The following RGS7 variants were observed in gnomAD, a reference collection of about 807,000 sequenced individuals.
RGS7 encodes the protein regulator of G-protein signaling 7.
A neutral mutation model predicts 81.1 loss-of-function variants in RGS7; 27 were observed. The observed-to-expected ratio is 0.33, with a 90% CI of 0.25 to 0.46. The LOEUF (loss-of-function observed/expected upper bound fraction) is 0.46. Among genes scored for constraint, RGS7 ranks in the 20% least tolerant of loss-of-function variants. The pLI, the probability that RGS7 is intolerant of heterozygous loss-of-function variation, is 1.00. For missense variants in RGS7, 396 were observed against 607.4 expected, an observed-to-expected ratio of 0.65 and a Z score of 3.66; for synonymous variants, 208 against 207.7, an observed-to-expected ratio of 1.00 and a Z score of -0.01.
chr1:241,171,852 C>T (rs1003394206), intron 2 of RGS7, among the ~76,000 whole-genome samples: 33 of 152,054 alleles, frequency 2.2e-4, no homozygotes, highest in African/African-American at 8.0e-4. Flanking sequence ...AAAAACAAAA[C>T]AAAACAAAAA....
chr1:240,925,883 T>A (rs1337593541), intron 6 of RGS7, among the ~76,000 whole-genome samples: 2 of 152,230 alleles, frequency 1.3e-5, no homozygotes, highest in African/African-American at 4.8e-5. Flanking sequence ...ATCTGTAATG[T>A]TGAGCATTTT....
Position 241,008,810 on chromosome 1 carries a change from G to T in RGS7, c.176-25681C>A, listed in dbSNP as rs921066610. Among the ~76,000 whole-genome samples, 5 of 149,228 alleles carry T rather than the reference G, an allele frequency of 3.4e-5. No homozygotes were observed. The South Asian group carries it at 1.1e-3, about 32-fold the overall frequency. On this transcript the variant is annotated intron_variant, in intron 3 of 18. Coordinates refer to ENST00000440928, the MANE Select transcript of RGS7 (RefSeq NM_001364886.1). ...GTTTGTAATCCCACCTACTTAGTAC[G>T]TTGAGGCAGGAGAATTGCTTGAACC...
At chr1:240,961,626 C>G (rs900581781) in intron 4 of RGS7, among the ~76,000 whole-genome samples, 2 of 152,060 alleles carry the variant, frequency 1.3e-5, no homozygotes, top group Non-Finnish European at 2.9e-5. Context: ...TCTAACAACC[C>G]CTGTGAGGTC....
chr1:241,124,958 C>G (rs2066546343), intron 2 of RGS7, among the ~76,000 whole-genome samples: 1 of 152,228 alleles, frequency 6.6e-6, no homozygotes, highest in African/African-American at 2.4e-5. Flanking sequence ...CCCTTGGAGA[C>G]TAAAGCATTT....
At chr1:241,039,129 TC>T (rs892918795) in intron 3 of RGS7, among the ~76,000 whole-genome samples, 2 of 152,040 alleles carry the variant, frequency 1.3e-5, no homozygotes, top group Non-Finnish European at 2.9e-5. Flanking sequence ...TCAACAGATT[TC>T]CCCCATTTCT....
intron 3 of RGS7, among the ~76,000 whole-genome samples, chr1:240,995,821 T>A (rs1687199664): frequency 6.6e-6 from 1 of 152,036 alleles, no homozygotes; most frequent in Admixed American, 6.5e-5. Flanking sequence ...TCCATTGATT[T>A]ATGCTCTTTA....
At chr1:240,968,567 T>G (rs1682710970) in intron 4 of RGS7, among the ~76,000 whole-genome samples, 2 of 152,198 alleles carry the variant, frequency 1.3e-5, no homozygotes, top group African/African-American at 2.4e-5. Context: ...AAAAGCATTT[T>G]AGTCTCATTA....
chr1:241,087,416 A>G (rs767041436), intron 3 of RGS7, among the ~76,000 whole-genome samples: 8 of 152,222 alleles, frequency 5.3e-5, no homozygotes, highest in Non-Finnish European at 1.0e-4. Context: ...GACCATATGA[A>G]TGCAAATATT....
At chr1:240,843,162 T>C (rs899164305) in intron 9 of RGS7, among the ~76,000 whole-genome samples, 4 of 146,580 alleles carry the variant, frequency 2.7e-5, no homozygotes, top group Non-Finnish European at 6.0e-5. Flanking sequence ...CGAAACTCTA[T>C]CTCAAAAAAA....
At chr1:240,804,661 G>C (rs1438149476) in intron 15 of RGS7, among the ~76,000 whole-genome samples, 1 of 152,120 alleles carries the variant, frequency 6.6e-6, no homozygotes, top group East Asian at 1.9e-4. Context: ...CACATTGTTG[G>C]CTCTAGAAAG....
At chr1:240,845,340 A>T (rs1162186013) in intron 9 of RGS7, among the ~76,000 whole-genome samples, 1 of 152,228 alleles carries the variant, frequency 6.6e-6, no homozygotes, top group Non-Finnish European at 1.5e-5. Flanking sequence ...GTTCAAGTAG[A>T]CATGCAAGGT....
chr1:241,351,165 T>C (rs1474865387), intron 2 of RGS7, among the ~76,000 whole-genome samples: 6 of 152,088 alleles, frequency 3.9e-5, no homozygotes, highest in South Asian at 4.2e-4. Flanking sequence ...ACCCCTGTAA[T>C]CTCAGCAGTA....
intron 3 of RGS7, among the ~76,000 whole-genome samples, chr1:241,050,515 A>G (rs909388151): frequency 6.6e-6 from 1 of 152,164 alleles, no homozygotes; most frequent in East Asian, 1.9e-4. Context: ...CTTGTCAAAG[A>G]GGGAAGATAG....
chr1:241,257,420 A>G (rs2077104835), intron 2 of RGS7, among the ~76,000 whole-genome samples: 1 of 152,196 alleles, frequency 6.6e-6, no homozygotes, highest in African/African-American at 2.4e-5. Flanking sequence ...GGACATAAAC[A>G]TTTAAACCAT....
chr1:241,311,262 C>A (rs2080508792), intron 2 of RGS7, among the ~76,000 whole-genome samples: 1 of 152,146 alleles, frequency 6.6e-6, no homozygotes, highest in African/African-American at 2.4e-5. Flanking sequence ...ATAAAAACCA[C>A]AGAGCTTAAG....
intron 3 of RGS7, among the ~76,000 whole-genome samples, chr1:241,086,901 C>A (rs1485358593): frequency 1.3e-5 from 2 of 152,166 alleles, no homozygotes; most frequent in African/African-American, 4.8e-5. Flanking sequence ...CTGGCTAAGT[C>A]TGACTCAGGC....
chr1:241,189,396 T>C (rs1258159367), intron 2 of RGS7, among the ~76,000 whole-genome samples: 1 of 152,222 alleles, frequency 6.6e-6, no homozygotes, highest in Non-Finnish European at 1.5e-5. Context: ...AGAAGTTCTA[T>C]AGTCTATATT....
At position 240,913,162 on chromosome 1, in the gene RGS7, T is replaced by C. The variant is rs145044870; in HGVS notation, c.385+17555A>G. Among the ~76,000 whole-genome samples, 1,020 of 152,372 alleles carry C rather than the reference T, an allele frequency of 6.7e-3. 5 individuals are homozygous for C. Among genetic ancestry groups the C allele is most frequent in the African/African-American group, 0.024 (986 of 41,598 alleles). ...GGGATACATCCCAAACATATTAATATGGTTTTAATTTTATTTTACAGATAC... is the reference window on the plus strand; with the variant it reads ...GGGATACATCCCAAACATATTAATACGGTTTTAATTTTATTTTACAGATAC... On this transcript the variant is annotated intron_variant, in intron 6 of 18. Transcript: ENST00000440928.
rs992689749 is a variant in RGS7, at chr1:240,999,779, T to TC, written c.176-16651dup. Reference sequence around the variant, plus strand: ...CCACGCTCGGCTAATTTTTTTTTTTTCCCAGTAGAGACGGGGTTTCGCCAT... The same window carrying TC: ...CCACGCTCGGCTAATTTTTTTTTTTTCCCCAGTAGAGACGGGGTTTCGCCAT... On this transcript the variant is annotated intron_variant, in intron 3 of 18. Coordinates refer to ENST00000440928, the MANE Select transcript of RGS7 (RefSeq NM_001364886.1). 2.3e-5 allele frequency among the ~76,000 whole-genome samples: 3 copies of TC among 131,110 alleles called. No homozygotes were observed. The South Asian group carries it at 6.3e-4, about 27-fold the overall frequency. 86.0% of individuals were successfully genotyped at this position (131,110 alleles called of 152,430 possible).
Sources: allele counts gnomAD v4.1 joint callset (sites outside exome capture counted in the v4.1 genomes callset), GRCh38; gene constraint gnomAD v4.1.1; transcripts MANE v1.5; gene names NCBI Gene and HGNC (gene_info 2026-07-23, HGNC 2026-07-21).